Variants in PCDH15 observed in about 807,000 individuals in gnomAD.
The protein encoded by PCDH15 is protocadherin-15.
A neutral mutation model predicts 178.5 loss-of-function variants in PCDH15; 129 were observed. The ratio of observed to expected loss-of-function variants is 0.72; its 90% CI spans 0.63 to 0.84. PCDH15 has a LOEUF of 0.84. PCDH15 is among the 40% of genes least tolerant of loss of function. The pLI is 0.00. For missense variants in PCDH15, 2,230 were observed against 2,099.9 expected, an observed-to-expected ratio of 1.06 and a Z score of -1.21; for synonymous variants, 800 against 732.0, an observed-to-expected ratio of 1.09 and a Z score of -1.50.
chr10:55,352,038 A>G (rs11004821), intron 2 of PCDH15, among the ~76,000 whole-genome samples: 83,223 of 151,920 alleles, frequency 0.55, 23,328 homozygotes, highest in African/African-American at 0.65. Context: ...ATAAATATTC[A>G]TCTTTTTATT....
chr10:55,187,163 G>A (rs909560474), intron 1 of PCDH15, among the ~76,000 whole-genome samples: 1 of 151,766 alleles, frequency 6.6e-6, no homozygotes, highest in East Asian at 1.9e-4. Flanking sequence ...AGACAAAGAG[G>A]AGATAAGTTC....
intron 2 of PCDH15, among the ~76,000 whole-genome samples, chr10:55,363,650 G>T (rs375238032): frequency 3.3e-5 from 5 of 151,954 alleles, no homozygotes; most frequent in African/African-American, 1.2e-4. Flanking sequence ...GTTGGGATGT[G>T]GGGGGACGGA....
chr10:54,777,357 G>T (rs1013855093), intron 1 of PCDH15, among the ~76,000 whole-genome samples: 1 of 152,168 alleles, frequency 6.6e-6, no homozygotes, highest in African/African-American at 2.4e-5. Flanking sequence ...CTAAAAATGA[G>T]TTGACGTTTA....
chr10:54,488,163 A>T (rs2079263783), intron 3 of PCDH15, among the ~76,000 whole-genome samples: 1 of 151,898 alleles, frequency 6.6e-6, no homozygotes, highest in Non-Finnish European at 1.5e-5. Context: ...TTGAGCTAAC[A>T]TTACTTTCAC....
At chr10:54,442,336 A>G (rs2075838902) in intron 3 of PCDH15, among the ~76,000 whole-genome samples, 1 of 141,898 alleles carries the variant, frequency 7.0e-6, no homozygotes, top group African/African-American at 2.6e-5. Context: ...AGTGTTGGTT[A>G]TACAACGGGT....
intron 1 of PCDH15, among the ~76,000 whole-genome samples, chr10:54,730,969 G>A (rs1379820000): frequency 1.3e-5 from 2 of 151,310 alleles, no homozygotes; most frequent in Non-Finnish European, 3.0e-5. Context: ...AGAAAGTAAA[G>A]AGACAGCCAG....
At chr10:55,533,063 A>G (rs1206341652) in intron 2 of PCDH15, among the ~76,000 whole-genome samples, 1 of 64,316 alleles carries the variant, frequency 1.6e-5, no homozygotes, top group East Asian at 0.017. Flanking sequence ...AAATTTTCAA[A>G]AAGTAAAACG....
intron 37 of PCDH15, chr10:53,808,898 G>T: frequency 6.3e-7 from 1 of 1,587,838 alleles, no homozygotes; most frequent in East Asian, 2.3e-5. Flanking sequence ...CCCTCTTCAG[G>T]GATATCTTGA....
chr10:54,240,451 A>T (rs1184765885), intron 8 of PCDH15, among the ~76,000 whole-genome samples: 1 of 151,978 alleles, frequency 6.6e-6, no homozygotes, highest in Non-Finnish European at 1.5e-5. Flanking sequence ...ATTGAAAAAT[A>T]GTATCCTTAT....
chr10:53,807,174 T>C lies in PCDH15; in HGVS notation c.4672-44A>G, dbSNP rs371165995. On this transcript the variant is annotated intron_variant, in intron 37 of 37. Transcript: ENST00000644397. ...ATATGTGAGTCACTATCAAATAAATTAAAAAGGCAATGATTACATTGCCTG... is the reference window on the plus strand; with the variant it reads ...ATATGTGAGTCACTATCAAATAAATCAAAAAGGCAATGATTACATTGCCTG... 7.5e-5 allele frequency: 109 copies of C among 1,454,752 alleles called. No individual in the cohort carries two copies. In the African/African-American group the frequency reaches 1.5e-3, roughly 20 times the overall value. 90.1% of individuals were successfully genotyped at this position (1,454,752 alleles called of 1,614,324 possible).
chr10:55,312,635 TA>T (rs1843615751), intron 1 of PCDH15, among the ~76,000 whole-genome samples: 1 of 150,740 alleles, frequency 6.6e-6, no homozygotes, highest in Admixed American at 6.6e-5. Context: ...TTTTTTTTTT[TA>T]GACGTAGTTT....
chr10:55,253,265 TGTGTGC>T (rs1841895311), intron 1 of PCDH15, among the ~76,000 whole-genome samples: 1 of 151,820 alleles, frequency 6.6e-6, no homozygotes, highest in Non-Finnish European at 1.5e-5. Flanking sequence ...TGTGTGTGTG[TGTGTGC>T]ATGCAAGTAA....
chr10:53,926,457 C>T (rs1314620441), intron 25 of PCDH15, among the ~76,000 whole-genome samples: 1 of 152,146 alleles, frequency 6.6e-6, no homozygotes, highest in Non-Finnish European at 1.5e-5. Context: ...AAACGAGTAT[C>T]TCAGGTAATT....
intron 2 of PCDH15, among the ~76,000 whole-genome samples, chr10:54,610,246 T>A (rs1464129018): frequency 6.6e-6 from 1 of 151,924 alleles, no homozygotes; most frequent in African/African-American, 2.4e-5. Context: ...CTTACAAAAC[T>A]ACTGGCTTGG....
At chr10:54,649,802 A>AT (rs1590823770) in intron 2 of PCDH15, among the ~76,000 whole-genome samples, 3 of 152,186 alleles carry the variant, frequency 2.0e-5, no homozygotes, top group Non-Finnish European at 4.4e-5. Context: ...TTATTGACTG[A>AT]TTTTGTCCCC....
intron 2 of PCDH15, among the ~76,000 whole-genome samples, chr10:54,993,189 A>G (rs777019169): frequency 2.6e-5 from 4 of 152,202 alleles, no homozygotes; most frequent in Non-Finnish European, 4.4e-5. Context: ...GATGAGGGAA[A>G]TAGAAGAATT....
intron 2 of PCDH15, among the ~76,000 whole-genome samples, chr10:55,404,759 T>C (rs1257745248): frequency 6.6e-6 from 1 of 151,822 alleles, no homozygotes; most frequent in Non-Finnish European, 1.5e-5. Flanking sequence ...TGTATTTTAA[T>C]ACAAGAAGAA....
chr10:55,362,179 G>T (rs991755163), intron 2 of PCDH15, among the ~76,000 whole-genome samples: 8 of 152,006 alleles, frequency 5.3e-5, no homozygotes, highest in African/African-American at 1.9e-4. Flanking sequence ...AAATGTCTGA[G>T]ATTTCAACCC....
intron 1 of PCDH15, among the ~76,000 whole-genome samples, chr10:54,741,382 A>G (rs1944789071): frequency 6.6e-6 from 1 of 151,850 alleles, no homozygotes. Context: ...GAAATAAGTA[A>G]TTTTTCATTT....
Sources: allele counts gnomAD v4.1 joint callset (sites outside exome capture counted in the v4.1 genomes callset), GRCh38; gene constraint gnomAD v4.1.1; transcripts MANE v1.5; gene names NCBI Gene and HGNC (gene_info 2026-07-23, HGNC 2026-07-21).